Variants in DIAPH2 observed in about 807,000 individuals in gnomAD.
The protein encoded by DIAPH2 is protein diaphanous homolog 2.
Under a neutral mutation model 92.7 loss-of-function variants are expected in DIAPH2, and 35 were observed. That is an observed-to-expected ratio of 0.38 (90% CI 0.29 to 0.50). DIAPH2 has a LOEUF of 0.50. Among genes scored for constraint, DIAPH2 ranks in the 20% least tolerant of loss-of-function variants. The pLI, the probability that DIAPH2 is intolerant of heterozygous loss-of-function variation, is 0.94. For missense variants in DIAPH2, 701 were observed against 819.5 expected, an observed-to-expected ratio of 0.86 and a Z score of 1.77; for synonymous variants, 301 against 280.4, an observed-to-expected ratio of 1.07 and a Z score of -0.73.
At position 96,924,367 on chromosome X, in the gene DIAPH2, T is replaced by C. The variant is rs781060632; in HGVS notation, c.978+5750T>C. 4.5e-5 allele frequency among the ~76,000 whole-genome samples: 5 copies of C among 111,904 alleles called. No individual in the cohort carries two copies. The South Asian group carries it at 1.9e-3, about 42-fold the overall frequency. On this transcript the variant is annotated intron_variant, in intron 9 of 26. Coordinates refer to ENST00000324765, the MANE Select transcript of DIAPH2 (RefSeq NM_006729.5). ...TTTTTGGTATTGACACAAAACTAACTTCTGACTTAAAGAAGGATGCCTTTA... is the reference window on the plus strand; with the variant it reads ...TTTTTGGTATTGACACAAAACTAACCTCTGACTTAAAGAAGGATGCCTTTA...
At chrX:97,028,863 G>A (rs1412385730) in intron 17 of DIAPH2, among the ~76,000 whole-genome samples, 1 of 111,628 alleles carries the variant, frequency 9.0e-6, no homozygotes, top group Non-Finnish European at 1.9e-5. Flanking sequence ...TAGTGATTCT[G>A]TGTTTAACAT....
chrX:96,759,468 G>A (rs754445662), intron 4 of DIAPH2, among the ~76,000 whole-genome samples: 4 of 111,749 alleles, frequency 3.6e-5, no homozygotes, highest in Non-Finnish European at 7.6e-5. Context: ...TTTGCCATGA[G>A]CGTCGTTTTC....
chrX:96,787,593 G>A (rs1346996715), intron 4 of DIAPH2, among the ~76,000 whole-genome samples: 1 of 108,220 alleles, frequency 9.2e-6, no homozygotes, highest in Admixed American at 9.9e-5. Context: ...GGAGGAATGT[G>A]AAATGACATA....
chrX:97,512,486 G>T (rs1243119540), intron 26 of DIAPH2, among the ~76,000 whole-genome samples: 2 of 111,958 alleles, frequency 1.8e-5, no homozygotes, highest in Non-Finnish European at 3.8e-5. Flanking sequence ...ATTTTTTGAA[G>T]GGTTTTTGTG....
At chrX:97,573,028 G>A (rs770677574) in intron 26 of DIAPH2, among the ~76,000 whole-genome samples, 12 of 111,288 alleles carry the variant, frequency 1.1e-4, no homozygotes, top group African/African-American at 3.9e-4. Flanking sequence ...TTTTAAGTGA[G>A]CACTTTTAGA....
chrX:96,696,816 C>G (rs1321545024), intron 1 of DIAPH2, among the ~76,000 whole-genome samples: 1 of 112,209 alleles, frequency 8.9e-6, no homozygotes, highest in Non-Finnish European at 1.9e-5. Context: ...AAGAACTGTG[C>G]AAGGTCTGGG....
At chrX:96,728,536 T>A (rs1010266156) in intron 1 of DIAPH2, among the ~76,000 whole-genome samples, 1 of 112,270 alleles carries the variant, frequency 8.9e-6, no homozygotes, top group Admixed American at 9.4e-5. Context: ...TACTCCCTGG[T>A]TAGACTGTAA....
At chrX:96,956,967 A>G (rs1250207181) in intron 15 of DIAPH2, among the ~76,000 whole-genome samples, 1 of 112,460 alleles carries the variant, frequency 8.9e-6, no homozygotes. Context: ...AATTTACTGT[A>G]TTGTTGTTCT....
intron 2 of DIAPH2, among the ~76,000 whole-genome samples, chrX:96,738,079 T>G (rs937354435): frequency 3.6e-5 from 4 of 112,013 alleles, no homozygotes; most frequent in Non-Finnish European, 7.5e-5. Context: ...CCAAGTAATC[T>G]GTCTTGAGTC....
At chrX:96,688,084 C>T (rs1382382384) in intron 1 of DIAPH2, among the ~76,000 whole-genome samples, 2 of 111,513 alleles carry the variant, frequency 1.8e-5, no homozygotes, top group Admixed American at 1.9e-4. Context: ...CATCTTGAAT[C>T]CTACTTATTT....
At position 97,355,647 on chromosome X, in the gene DIAPH2, GT is replaced by G. The variant is rs755530108; in HGVS notation, c.3009+7375del. On this transcript the variant is annotated intron_variant, in intron 24 of 26. Coordinates refer to ENST00000324765, the MANE Select transcript of DIAPH2 (RefSeq NM_006729.5). ...CGTGATGTGCTTCTTTAATGATATA[GT>G]TTTTTTTGTAAACTAGATGTCTCCA... 1.5e-4 allele frequency among the ~76,000 whole-genome samples: 17 copies of G among 110,794 alleles called. No homozygotes were observed. In the South Asian group the frequency reaches 4.6e-3, roughly 30 times the overall value.
chrX:97,310,734 T>C (rs1290391804), intron 23 of DIAPH2, among the ~76,000 whole-genome samples: 1 of 111,026 alleles, frequency 9.0e-6, no homozygotes, highest in African/African-American at 3.3e-5. Flanking sequence ...CCGGGTGTGG[T>C]GGGGTGGCTC....
At chrX:96,804,838 G>A (rs2064611450) in intron 4 of DIAPH2, among the ~76,000 whole-genome samples, 1 of 111,565 alleles carries the variant, frequency 9.0e-6, no homozygotes, top group Non-Finnish European at 1.9e-5. Flanking sequence ...GTAACAAAAA[G>A]CCTGTCTTTC....
intron 4 of DIAPH2, among the ~76,000 whole-genome samples, chrX:96,790,353 G>T (rs759355014): frequency 3.8e-4 from 43 of 111,766 alleles, no homozygotes; most frequent in Non-Finnish European, 6.2e-4. Context: ...TTACAGGCAT[G>T]AGCCACCATG....
At chrX:97,009,738 G>T (rs1224327464) in intron 17 of DIAPH2, among the ~76,000 whole-genome samples, 1 of 111,939 alleles carries the variant, frequency 8.9e-6, no homozygotes, top group African/African-American at 3.3e-5. Flanking sequence ...TGGTAGTTAG[G>T]GTCTGCAGTG....
chrX:97,407,941 C>G (rs1387542090), intron 25 of DIAPH2, among the ~76,000 whole-genome samples: 1 of 111,927 alleles, frequency 8.9e-6, no homozygotes, highest in Non-Finnish European at 1.9e-5. Context: ...CCACTATTTT[C>G]TCTGGTTTTA....
At chrX:97,011,121 C>T (rs994031399) in intron 17 of DIAPH2, among the ~76,000 whole-genome samples, 4 of 112,175 alleles carry the variant, frequency 3.6e-5, no homozygotes, top group East Asian at 2.8e-4. Context: ...TATTTGCCTA[C>T]GTGTATATGT....
At chrX:97,278,079 C>A (rs376943425) in intron 23 of DIAPH2, among the ~76,000 whole-genome samples, 10 of 111,877 alleles carry the variant, frequency 8.9e-5, no homozygotes, top group African/African-American at 2.9e-4. Context: ...CTCTTGACCT[C>A]GTGATCCGCG....
At chrX:97,172,432 A>G (rs190140441) in intron 22 of DIAPH2, among the ~76,000 whole-genome samples, 1 of 111,917 alleles carries the variant, frequency 8.9e-6, no homozygotes, top group African/African-American at 3.2e-5. Flanking sequence ...GACAATCAGG[A>G]GTAGTCTCTC....
Sources: allele counts gnomAD v4.1 joint callset (sites outside exome capture counted in the v4.1 genomes callset), GRCh38; gene constraint gnomAD v4.1.1; transcripts MANE v1.5; gene names NCBI Gene and HGNC (gene_info 2026-07-23, HGNC 2026-07-21).